The following RNF220 variants were observed in gnomAD, a reference collection of about 807,000 sequenced individuals.
The protein encoded by RNF220 is ring finger protein 220.
RNF220 carries 7 observed loss-of-function variants against 67.1 expected under a neutral mutation model. The observed-to-expected ratio is 0.10, with a 90% CI of 0.06 to 0.20. The LOEUF (loss-of-function observed/expected upper bound fraction) is 0.20, where lower values mean the gene tolerates loss of function less well. RNF220 is among the 10% of genes least tolerant of loss of function. RNF220 has a pLI of 1.00. For missense variants in RNF220, 565 were observed against 740.3 expected, an observed-to-expected ratio of 0.76 and a Z score of 2.75; for synonymous variants, 270 against 283.2, an observed-to-expected ratio of 0.95 and a Z score of 0.47.
chr1:44,617,026 T>C (rs1643583476), intron 3 of RNF220, among the ~76,000 whole-genome samples: 1 of 152,046 alleles, frequency 6.6e-6, no homozygotes, highest in Admixed American at 6.5e-5. Flanking sequence ...AGCTCCATGC[T>C]TCTCACGGCT....
intron 5 of RNF220, among the ~76,000 whole-genome samples, chr1:44,629,697 T>A (rs1222668718): frequency 1.3e-5 from 2 of 151,738 alleles, no homozygotes; most frequent in African/African-American, 4.8e-5. Context: ...ATAAAAAAAA[T>A]TAATAATAAA....
chr1:44,509,200 T>C (rs1402410120), intron 2 of RNF220, among the ~76,000 whole-genome samples: 1 of 152,172 alleles, frequency 6.6e-6, no homozygotes, highest in African/African-American at 2.4e-5. Context: ...ATGGTTTCAT[T>C]TGGGTTTTCA....
chr1:44,525,769 T>C (rs896438716), intron 2 of RNF220, among the ~76,000 whole-genome samples: 1 of 152,126 alleles, frequency 6.6e-6, no homozygotes, highest in Non-Finnish European at 1.5e-5. Flanking sequence ...TGGGATCCTC[T>C]GCTGCAGCAT....
chr1:44,437,647 T>C (rs1166649846), intron 2 of RNF220, among the ~76,000 whole-genome samples: 3 of 152,320 alleles, frequency 2.0e-5, no homozygotes, highest in African/African-American at 7.2e-5. Flanking sequence ...CTAATAACCC[T>C]GGTGACAAAT....
rs1660639338 is a variant in RNF220, at chr1:44,529,199, C to A, written c.626-84966C>A. The stretch of plus-strand genomic sequence containing the variant: ...GAAAATCTGAGAACAACCTAATGTT[C>A]CACAACAATAAAATGGTTAAATAAG... On this transcript the variant is annotated intron_variant, in intron 2 of 14. Transcript: ENST00000361799. Among the ~76,000 whole-genome samples the A allele has an allele frequency of 2.0e-5, 3 of 152,066 alleles. No homozygotes were observed. The South Asian group carries it at 6.2e-4, about 32-fold the overall frequency.
chr1:44,542,892 G>A (rs1394647399), intron 2 of RNF220, among the ~76,000 whole-genome samples: 2 of 152,130 alleles, frequency 1.3e-5, no homozygotes, highest in East Asian at 1.9e-4. Context: ...GGGGCTGGGG[G>A]CCGGAGGGTC....
intron 2 of RNF220, among the ~76,000 whole-genome samples, chr1:44,413,215 A>G (rs1292414252): frequency 6.6e-6 from 1 of 152,166 alleles, no homozygotes; most frequent in Non-Finnish European, 1.5e-5. Flanking sequence ...CCTTGTCCAC[A>G]TCAGGCTATT....
At chr1:44,542,490 T>A (rs1279126410) in intron 2 of RNF220, among the ~76,000 whole-genome samples, 4 of 152,100 alleles carry the variant, frequency 2.6e-5, no homozygotes, top group African/African-American at 9.7e-5. Context: ...ACCACAGAGA[T>A]GGCTGGGGAA....
At chr1:44,451,538 A>G (rs1652684256) in intron 2 of RNF220, among the ~76,000 whole-genome samples, 2 of 152,146 alleles carry the variant, frequency 1.3e-5, no homozygotes, top group Admixed American at 6.5e-5. Context: ...ATGTGTTGCA[A>G]ATATTTTTTC....
chr1:44,544,073 A>G (rs1333055414), intron 2 of RNF220, among the ~76,000 whole-genome samples: 5 of 152,180 alleles, frequency 3.3e-5, no homozygotes, highest in African/African-American at 1.2e-4. Context: ...ACCCTGTCCC[A>G]TCTTCCTCCT....
intron 2 of RNF220, among the ~76,000 whole-genome samples, chr1:44,555,059 C>T (rs1662957751): frequency 6.6e-6 from 1 of 152,124 alleles, no homozygotes. Context: ...ACTCCAGTCT[C>T]CTTAGCATAG....
chr1:44,623,696 A>C (rs1349233337), intron 4 of RNF220, among the ~76,000 whole-genome samples: 1 of 152,212 alleles, frequency 6.6e-6, no homozygotes, highest in Non-Finnish European at 1.5e-5. Flanking sequence ...ATTAGAGCAA[A>C]GGCCAAGGTG....
Position 44,621,798 on chromosome 1 carries a change from G to C in RNF220, c.759-944G>C, listed in dbSNP as rs1442269103. Reference sequence around the variant, plus strand: ...TTCCGGGTATATCTGCAGGTGTGCTGTACGTTATACCTCATATGTGTGTCT... The same window carrying C: ...TTCCGGGTATATCTGCAGGTGTGCTCTACGTTATACCTCATATGTGTGTCT... On this transcript the variant is annotated intron_variant, in intron 3 of 14. Transcript: ENST00000361799. This position sits in a 1 kb window ranked among gnomAD's most constrained non-coding sequence, Gnocchi z 4.8. 6.6e-6 allele frequency among the ~76,000 whole-genome samples: 1 copy of C among 152,204 alleles called. No individual in the cohort carries two copies. The highest frequency in any genetic ancestry group is 1.5e-5 in the Non-Finnish European group (1 of 68,050).
At chr1:44,474,313 T>C (rs188865286) in intron 2 of RNF220, among the ~76,000 whole-genome samples, 723 of 151,344 alleles carry the variant, frequency 4.8e-3, no homozygotes, top group African/African-American at 0.017. Context: ...AGGCGGAGGT[T>C]GCAGTAAGCC....
chr1:44,451,639 T>C (rs1360183542), intron 2 of RNF220, among the ~76,000 whole-genome samples: 1 of 152,214 alleles, frequency 6.6e-6, no homozygotes, highest in Non-Finnish European at 1.5e-5. Context: ...TATTTTTTTT[T>C]GAGACGGAGT....
At chr1:44,627,933 C>T (rs1036152242) in intron 5 of RNF220, among the ~76,000 whole-genome samples, 7 of 152,228 alleles carry the variant, frequency 4.6e-5, no homozygotes, top group Admixed American at 3.9e-4. Flanking sequence ...GGACAGACTC[C>T]GCCGAATGCC....
intron 2 of RNF220, among the ~76,000 whole-genome samples, chr1:44,506,282 T>C (rs1283484534): frequency 2.6e-5 from 4 of 151,920 alleles, no homozygotes; most frequent in Admixed American, 6.6e-5. Flanking sequence ...TGTGGAGGGG[T>C]GAAGGGGGCA....
At chr1:44,520,617 A>G (rs1659858047) in intron 2 of RNF220, among the ~76,000 whole-genome samples, 1 of 152,198 alleles carries the variant, frequency 6.6e-6, no homozygotes, top group Non-Finnish European at 1.5e-5. Context: ...TCTTAAAGTA[A>G]AACTTCAAGT....
Position 44,412,184 on chromosome 1 carries a change from A to G in RNF220, c.87A>G (p.Ala29=), listed in dbSNP as rs754675496. 1.2e-6 allele frequency: 2 copies of G among 1,614,074 alleles called. No individual in the cohort carries two copies. The highest frequency in any genetic ancestry group is 2.7e-5 in the African/African-American group (2 of 74,938). ...PLASPALMVL[A]STAEASRDAS... is the part of the protein sequence containing the mutation. Reference sequence around the variant, plus strand: ...CATCCCCAGCACTGATGGTCCTGGCATCCACGGCTGAGGCCAGCCGTGATG... The same window carrying G: ...CATCCCCAGCACTGATGGTCCTGGCGTCCACGGCTGAGGCCAGCCGTGATG... Residue 29 remains alanine (A), a synonymous_variant, in exon 2 of 15, where the codon GCA becomes GCG. Transcript: ENST00000361799. The surrounding 1 kb of genome is among the most constrained non-coding windows in gnomAD (Gnocchi z 5.3).
Sources: gnomAD v4.1 joint callset for allele counts (sites outside exome capture counted in the v4.1 genomes callset) on GRCh38, gnomAD v4.1.1 for gene constraint, Gnocchi (gnomAD v3.1) non-coding constraint, MANE v1.5 for transcripts, NCBI Gene and HGNC (gene_info 2026-07-23, HGNC 2026-07-21) for gene names.